The following DDHD1 variants were observed in gnomAD, a reference collection of about 807,000 sequenced individuals.
DDHD1 encodes the protein DDHD domain containing 1.
In DDHD1, 49 loss-of-function variants were observed where a neutral mutation model predicts 96.4. The observed-to-expected ratio is 0.51, with a 90% confidence interval of 0.40 to 0.64. DDHD1 has a LOEUF of 0.64. DDHD1 is among the 30% of genes least tolerant of loss of function. DDHD1 has a pLI of 0.00. For synonymous variants in DDHD1, 442 were observed against 446.5 expected, an observed-to-expected ratio of 0.99 and a Z score of 0.13; for missense variants, 1,106 against 1,161.2, an observed-to-expected ratio of 0.95 and a Z score of 0.69.
chr14:53,122,134 T>C (rs1048954852), intron 1 of DDHD1, among the ~76,000 whole-genome samples: 1 of 152,184 alleles, frequency 6.6e-6, no homozygotes, highest in East Asian at 1.9e-4. Context: ...TCCAGTGTGC[T>C]TACCTTATTG....
intron 7 of DDHD1, 137 bp downstream of exon 7, chr14:53,062,806 T>A (rs1001334308): frequency 4.8e-6 from 4 of 827,556 alleles, no homozygotes; most frequent in Non-Finnish European, 7.2e-6. Context: ...CCAGCTTGAT[T>A]AGGCATGCTA....
At chr14:53,072,346 A>G (rs1345258304) in intron 6 of DDHD1, among the ~76,000 whole-genome samples, 1 of 152,096 alleles carries the variant, frequency 6.6e-6, no homozygotes, top group East Asian at 1.9e-4. Context: ...ATAATTAATT[A>G]GATTTATGAA....
At chr14:53,126,462 G>A (rs1421245227) in intron 1 of DDHD1, among the ~76,000 whole-genome samples, 1 of 152,142 alleles carries the variant, frequency 6.6e-6, no homozygotes, top group Non-Finnish European at 1.5e-5. Context: ...CGACTTCCCG[G>A]GCTCAGGTAA....
chr14:53,085,465 T>A (rs1182580123), intron 4 of DDHD1, among the ~76,000 whole-genome samples: 1 of 152,136 alleles, frequency 6.6e-6, no homozygotes, highest in African/African-American at 2.4e-5. Context: ...TCTTCAACAT[T>A]TGCTGCTCTG....
intron 6 of DDHD1, 69 bp downstream of exon 6, chr14:53,072,528 G>T: frequency 2.4e-6 from 2 of 825,572 alleles, no homozygotes; most frequent in African/African-American, 1.7e-5. Flanking sequence ...AACATAAAAT[G>T]TAAAAATTCA....
At chr14:53,117,405 A>G (rs1227168699) in intron 1 of DDHD1, among the ~76,000 whole-genome samples, 1 of 152,200 alleles carries the variant, frequency 6.6e-6, no homozygotes, top group Admixed American at 6.5e-5. Context: ...GGAAGCTGTG[A>G]CAGACTGTAC....
chr14:53,055,879 A>G lies in DDHD1; in HGVS notation c.2026T>C (p.Tyr676His). The part of the protein sequence containing the change: ...YRLEPLILKH[Y>H]SNISPVQIHW... ...ATCTGGACAGGTGAAATGTTGCTGTAGTGTTTCAGTATTAATGGTTCTAAT... is the reference window on the plus strand; with the variant it reads ...ATCTGGACAGGTGAAATGTTGCTGTGGTGTTTCAGTATTAATGGTTCTAAT... Residue 676 changes from tyrosine (Y) to histidine (H), a missense_variant, in exon 10 of 13, where the codon TAC becomes CAC. Coordinates refer to ENST00000673822, the MANE Select transcript of DDHD1 (RefSeq NM_001160148.2). 1 of 1,613,650 alleles carries G rather than the reference A, an allele frequency of 6.2e-7. No homozygotes were observed. Among genetic ancestry groups the G allele is most frequent in the Non-Finnish European group, 8.5e-7 (1 of 1,179,606 alleles).
chr14:53,152,292 G>C lies in DDHD1; in HGVS notation c.807C>G (p.Thr269=), dbSNP rs755029093. The change falls in exon 1 of 13, where the codon ACC becomes ACG. Residue 269 remains threonine (T), a synonymous_variant. Coordinates refer to ENST00000673822, the MANE Select transcript of DDHD1 (RefSeq NM_001160148.2). The part of the protein sequence containing the change: ...VRGGLYEVDV[T]QGECYPVYWN... ...AGTACACCGGGTAGCACTCTCCTTGGGTCACATCCACCTCGTAGAGGCCGC... is the reference window on the plus strand; with the variant it reads ...AGTACACCGGGTAGCACTCTCCTTGCGTCACATCCACCTCGTAGAGGCCGC... 2.5e-6 allele frequency: 4 copies of C among 1,612,872 alleles called. No homozygotes were observed. The highest frequency in any genetic ancestry group is 1.7e-5 in the Admixed American group (1 of 59,936).
At chr14:53,050,585 TACTA>T (rs1428885177) in intron 12 of DDHD1, among the ~76,000 whole-genome samples, 2 of 152,148 alleles carry the variant, frequency 1.3e-5, no homozygotes, top group African/African-American at 4.8e-5. Flanking sequence ...CTACCTTCCC[TACTA>T]GAGTTTATGC....
intron 1 of DDHD1, among the ~76,000 whole-genome samples, chr14:53,132,611 C>T (rs906673122): frequency 1.3e-5 from 2 of 152,184 alleles, no homozygotes; most frequent in African/African-American, 4.8e-5. Flanking sequence ...TTTATGTTGA[C>T]TCTAAATATG....
At chr14:53,107,383 C>T (rs1887765376) in intron 1 of DDHD1, among the ~76,000 whole-genome samples, 1 of 152,104 alleles carries the variant, frequency 6.6e-6, no homozygotes, top group Admixed American at 6.5e-5. Context: ...ACTAATGGAC[C>T]AGTGGCATAA....
intron 10 of DDHD1, 58 bp downstream of exon 10, chr14:53,055,602 A>G: frequency 1.8e-5 from 26 of 1,421,988 alleles, no homozygotes; most frequent in East Asian, 2.5e-5. Flanking sequence ...TAGTCCCCCA[A>G]ACTTATGTCT....
intron 2 of DDHD1, among the ~76,000 whole-genome samples, chr14:53,095,486 C>T (rs912562468): frequency 4.6e-5 from 7 of 152,126 alleles, no homozygotes; most frequent in African/African-American, 1.7e-4. Context: ...AGGAATTGTA[C>T]TTCTTAGTTA....
chr14:53,083,416 T>C (rs1327946228), intron 4 of DDHD1, among the ~76,000 whole-genome samples: 1 of 152,226 alleles, frequency 6.6e-6, no homozygotes, highest in Non-Finnish European at 1.5e-5. Context: ...TTAAAATGCC[T>C]TCCATTTATC....
At chr14:53,107,382 C>A (rs1166245170) in intron 1 of DDHD1, among the ~76,000 whole-genome samples, 1 of 152,100 alleles carries the variant, frequency 6.6e-6, no homozygotes, top group African/African-American at 2.4e-5. Flanking sequence ...GACTAATGGA[C>A]CAGTGGCATA....
chr14:53,123,377 A>T (rs946822767), intron 1 of DDHD1, among the ~76,000 whole-genome samples: 22 of 151,678 alleles, frequency 1.5e-4, no homozygotes, highest in Non-Finnish European at 2.9e-4. Flanking sequence ...TAAACTGCTG[A>T]CCTTAGGTGA....
intron 4 of DDHD1, among the ~76,000 whole-genome samples, chr14:53,087,492 T>C (rs945492924): frequency 6.6e-6 from 1 of 152,068 alleles, no homozygotes; most frequent in African/African-American, 2.4e-5. Context: ...AAATTAGAAC[T>C]CAGGATTAAG....
rs564265912 is a variant in DDHD1, at chr14:53,123,534, T to C, written c.839-19678A>G. On this transcript the variant is annotated intron_variant, in intron 1 of 12. Transcript: ENST00000673822. ...CAGATGTCCAAAGAGGAAAATAAAC[T>C]GTGGTATATTCATGGAATGAAATAC... 2.8e-4 allele frequency among the ~76,000 whole-genome samples: 42 copies of C among 152,298 alleles called. 2 individuals carry two copies. The South Asian group carries it at 8.3e-3, about 30-fold the overall frequency.
At position 53,072,713 on chromosome 14, in the gene DDHD1, C is replaced by A. The variant is rs745641472; in HGVS notation, c.1397-10G>T. ...ATGGAATCAACAGTGTCTACAAAAACAAACAAAAAAAGCAAGTTAACTTAT... is the reference window on the plus strand; with the variant it reads ...ATGGAATCAACAGTGTCTACAAAAAAAAACAAAAAAAGCAAGTTAACTTAT... On this transcript the variant is annotated splice_polypyrimidine_tract_variant and intron_variant, in intron 5 of 12. Transcript: ENST00000673822. 5.7e-6 allele frequency: 9 copies of A among 1,580,554 alleles called. No individual in the cohort carries two copies. The highest frequency in any genetic ancestry group is 5.5e-5 in the Admixed American group (3 of 54,240).
Sources: gnomAD v4.1 joint callset for allele counts (sites outside exome capture counted in the v4.1 genomes callset) on GRCh38, gnomAD v4.1.1 for gene constraint, MANE v1.5 for transcripts, NCBI Gene and HGNC (gene_info 2026-07-23, HGNC 2026-07-21) for gene names.